Variants in RAP1A observed in about 807,000 individuals in gnomAD.
RAP1A encodes the protein ras-related protein Rap-1A.
In RAP1A, 6 loss-of-function variants were observed where a neutral mutation model predicts 26.4. That is an observed-to-expected ratio of 0.23 (90% CI 0.12 to 0.45). The LOEUF is 0.45. Among genes scored for constraint, RAP1A ranks in the 20% least tolerant of loss-of-function variants. The pLI is 0.99. For synonymous variants in RAP1A, 73 were observed against 79.4 expected (o/e 0.92, Z 0.43); for missense variants, 121 against 217.2 (o/e 0.56, Z 2.78).
chr1:111,603,246 G>A (rs1219184845), intron 1 of RAP1A, among the ~76,000 whole-genome samples: 1 of 152,190 alleles, frequency 6.6e-6, no homozygotes, highest in African/African-American at 2.4e-5. Flanking sequence ...GAATGTTCAA[G>A]GTTTGGTTCC....
rs372639821 is a variant in RAP1A, at chr1:111,680,416, C to T, written c.-27-10918C>T. Reference sequence around the variant, plus strand: ...GTGCATTTACAATCCTTTAGCTAGACACAGAGCTCTGATTGGTGCTTTTTT... The same window carrying T: ...GTGCATTTACAATCCTTTAGCTAGATACAGAGCTCTGATTGGTGCTTTTTT... On this transcript the variant is annotated intron_variant, in intron 1 of 7. Transcript: ENST00000369709. Among the ~76,000 whole-genome samples the T allele has an allele frequency of 1.1e-4, 16 of 152,304 alleles. No individual in the cohort carries two copies. In the East Asian group the frequency reaches 3.1e-3, roughly 29 times the overall value.
intron 1 of RAP1A, among the ~76,000 whole-genome samples, chr1:111,682,521 G>A (rs6704009): frequency 0.07 from 10,467 of 148,542 alleles, 404 homozygotes; most frequent in Non-Finnish European, 0.081. Flanking sequence ...AAAAAAAAGC[G>A]GGGGTTGCAA....
intron 1 of RAP1A, among the ~76,000 whole-genome samples, chr1:111,621,842 G>C (rs1659214206): frequency 6.6e-6 from 1 of 152,178 alleles, no homozygotes; most frequent in African/African-American, 2.4e-5. Flanking sequence ...GTGTTACACA[G>C]TTCCATATTA....
At chr1:111,576,643 G>A (rs1354808316) in intron 1 of RAP1A, among the ~76,000 whole-genome samples, 3 of 152,214 alleles carry the variant, frequency 2.0e-5, no homozygotes, top group African/African-American at 7.2e-5. Flanking sequence ...GGAAGGGTGA[G>A]GGGAGGGAGG....
Position 111,681,266 on chromosome 1 carries a change from A to G in RAP1A, c.-27-10068A>G, listed in dbSNP as rs376607532. ...CCGTCTCAGGGGAAAAAATGCTGAAAATTCCGAAAACCAGCATGCCTCTTC... is the reference window on the plus strand; with the variant it reads ...CCGTCTCAGGGGAAAAAATGCTGAAGATTCCGAAAACCAGCATGCCTCTTC... On this transcript the variant is annotated intron_variant, in intron 1 of 7. Coordinates refer to ENST00000369709, the MANE Select transcript of RAP1A (RefSeq NM_002884.4). Among the ~76,000 whole-genome samples, 5 of 152,282 alleles carry G rather than the reference A, an allele frequency of 3.3e-5. No individual in the cohort carries two copies. In the East Asian group the frequency reaches 9.6e-4, roughly 29 times the overall value.
At chr1:111,696,542 C>T (rs922810879) in intron 3 of RAP1A, among the ~76,000 whole-genome samples, 1 of 152,168 alleles carries the variant, frequency 6.6e-6, no homozygotes, top group African/African-American at 2.4e-5. Flanking sequence ...TGGTGCCCCT[C>T]ATCAATGTCT....
intron 1 of RAP1A, among the ~76,000 whole-genome samples, chr1:111,567,121 C>G (rs192868149): frequency 6.6e-6 from 1 of 151,842 alleles, no homozygotes; most frequent in Non-Finnish European, 1.5e-5. Context: ...AGACATAGGC[C>G]CCGCCCTCAA....
intron 1 of RAP1A, among the ~76,000 whole-genome samples, chr1:111,559,602 T>C (rs948125536): frequency 2.0e-5 from 3 of 152,206 alleles, no homozygotes; most frequent in African/African-American, 7.2e-5. Context: ...TATAATCAAA[T>C]GGTATCCAAT....
chr1:111,691,188 A>G (rs1191048649), intron 1 of RAP1A, 146 bp from the exon 2 acceptor site: 6 of 426,572 alleles, frequency 1.4e-5, no homozygotes, highest in Non-Finnish European at 2.5e-5. Flanking sequence ...TAAAATCTGT[A>G]TGGATTTTGC....
At chr1:111,672,178 AAGTT>A (rs1660995872) in intron 1 of RAP1A, among the ~76,000 whole-genome samples, 1 of 152,168 alleles carries the variant, frequency 6.6e-6, no homozygotes, top group African/African-American at 2.4e-5. Context: ...TTTACTGAGT[AAGTT>A]CTGTTAAATT....
intron 1 of RAP1A, among the ~76,000 whole-genome samples, chr1:111,549,593 T>G (rs1041672844): frequency 6.7e-6 from 1 of 149,136 alleles, no homozygotes; most frequent in Non-Finnish European, 1.5e-5. Flanking sequence ...GAGGTTGTGG[T>G]GAGCCGATAT....
At chr1:111,563,972 T>TA (rs1460291030) in intron 1 of RAP1A, 4 of 1,578,426 alleles carry the variant, frequency 2.5e-6, no homozygotes, top group Non-Finnish European at 3.5e-6. Context: ...TGGTGGTCTC[T>TA]ACCAACTGCC....
chr1:111,542,774 G>T (rs953504140), intron 1 of RAP1A, among the ~76,000 whole-genome samples: 2 of 151,916 alleles, frequency 1.3e-5, no homozygotes, highest in Non-Finnish European at 2.9e-5. Flanking sequence ...TTGGCTCACT[G>T]AAACCTCCGC....
intron 1 of RAP1A, among the ~76,000 whole-genome samples, chr1:111,598,666 A>C (rs1658604784): frequency 6.6e-6 from 1 of 152,124 alleles, no homozygotes; most frequent in African/African-American, 2.4e-5. Flanking sequence ...GATGAACAGA[A>C]GTCTGTGTGA....
At chr1:111,677,601 A>G (rs1213896251) in intron 1 of RAP1A, among the ~76,000 whole-genome samples, 1 of 152,216 alleles carries the variant, frequency 6.6e-6, no homozygotes, top group Non-Finnish European at 1.5e-5. Context: ...ATAATTGGCA[A>G]GTTGGTGCTG....
chr1:111,654,045 C>T (rs1378215884), intron 1 of RAP1A, among the ~76,000 whole-genome samples: 1 of 152,184 alleles, frequency 6.6e-6, no homozygotes, highest in Non-Finnish European at 1.5e-5. Context: ...CTGATCTGGC[C>T]TGCTAAGGAT....
chr1:111,626,592 A>G (rs1659409475), intron 1 of RAP1A, among the ~76,000 whole-genome samples: 1 of 152,162 alleles, frequency 6.6e-6, no homozygotes, highest in Non-Finnish European at 1.5e-5. Context: ...AGCATGCGTA[A>G]ATGTGCATTT....
chr1:111,559,683 C>T (rs1198149335), intron 1 of RAP1A, among the ~76,000 whole-genome samples: 1 of 152,106 alleles, frequency 6.6e-6, no homozygotes, highest in Non-Finnish European at 1.5e-5. Context: ...ATATTTAAAA[C>T]ATCCATGTTC....
intron 4 of RAP1A, among the ~76,000 whole-genome samples, chr1:111,699,501 A>C (rs1661950657): frequency 7.6e-6 from 1 of 132,404 alleles, no homozygotes. Context: ...TCTCTCTGTC[A>C]CCCAGGCTGG....
Sources: gnomAD v4.1 joint callset for allele counts (sites outside exome capture counted in the v4.1 genomes callset) on GRCh38, gnomAD v4.1.1 for gene constraint, MANE v1.5 for transcripts, NCBI Gene and HGNC (gene_info 2026-07-23, HGNC 2026-07-21) for gene names.